LYPD1: variants seen among roughly 807,000 people sequenced by gnomAD.
The protein encoded by LYPD1 is ly6/PLAUR domain-containing protein 1.
Under a neutral mutation model 14.2 loss-of-function variants are expected in LYPD1, and 14 were observed. The observed-to-expected ratio is 0.99, with a 90% CI of 0.65 to 1.54. The LOEUF is 1.54. Ranked by LOEUF, LYPD1 falls within the 40% of genes most tolerant of loss-of-function variation. The pLI is 0.00. For synonymous variants in LYPD1, 85 were observed against 70.6 expected (o/e 1.20, Z -1.02); for missense variants, 165 against 175.7 (o/e 0.94, Z 0.34).
chr2:132,667,243 A>G (rs1311920514), intron 2 of LYPD1, among the ~76,000 whole-genome samples: 1 of 152,232 alleles, frequency 6.6e-6, no homozygotes, highest in East Asian at 1.9e-4. Context: ...GCTTCCCAGA[A>G]GAGTGATTTT....
chr2:132,663,560 G>A (rs1683090123), intron 2 of LYPD1, among the ~76,000 whole-genome samples: 1 of 152,242 alleles, frequency 6.6e-6, no homozygotes, highest in African/African-American at 2.4e-5. Context: ...ACAGGCATGA[G>A]CCGCCGTGCC....
At chr2:132,667,168 C>T (rs1190555852) in intron 2 of LYPD1, among the ~76,000 whole-genome samples, 2 of 152,140 alleles carry the variant, frequency 1.3e-5, no homozygotes, top group East Asian at 1.9e-4. Context: ...CCAAATCCCA[C>T]GTGCCAAAAT....
chr2:132,645,847 G>T lies in LYPD1; in HGVS notation c.*198C>A. On this transcript the variant is annotated 3_prime_UTR_variant, in exon 3 of 3. Coordinates refer to ENST00000397463, the MANE Select transcript of LYPD1 (RefSeq NM_144586.7). ...CACCTCCTTCCTTCAAGTACATACT[G>T]AAAATTCAGTCAGGCTGAATTTATT... The T allele has an allele frequency of 1.5e-6, 1 of 667,194 alleles. No individual in the cohort carries two copies. Among genetic ancestry groups the T allele is most frequent in the Non-Finnish European group, 2.5e-6 (1 of 405,000 alleles). The allele number at this position is 667,194 out of a possible 1,614,324, so 41.3% of individuals were successfully genotyped here.
At chr2:132,655,755 C>T (rs1032960238) in intron 2 of LYPD1, among the ~76,000 whole-genome samples, 2 of 151,986 alleles carry the variant, frequency 1.3e-5, no homozygotes, top group Admixed American at 1.3e-4. Flanking sequence ...ACCTCGTGAT[C>T]CGCCCACCTC....
At position 132,646,041 on chromosome 2, in the gene LYPD1, A is replaced by G; in HGVS notation, c.*4T>C. On this transcript the variant is annotated 3_prime_UTR_variant, in exon 3 of 3. Coordinates refer to ENST00000397463, the MANE Select transcript of LYPD1 (RefSeq NM_144586.7). Reference sequence around the variant, plus strand: ...TGCAGGAGGGGGTGGCATCTCCTTCAGCTTCAGCAGTGTGCCGAGAAGAGG... The same window carrying G: ...TGCAGGAGGGGGTGGCATCTCCTTCGGCTTCAGCAGTGTGCCGAGAAGAGG... 1 of 1,539,816 alleles carries G rather than the reference A, an allele frequency of 6.5e-7. No individual in the cohort carries two copies. The highest frequency in any genetic ancestry group is 1.3e-5 in the South Asian group (1 of 80,000).
intron 2 of LYPD1, among the ~76,000 whole-genome samples, chr2:132,667,795 A>T (rs376671147): frequency 2.0e-5 from 3 of 151,726 alleles, no homozygotes; most frequent in African/African-American, 7.3e-5. Flanking sequence ...ATCCCACAAG[A>T]CCTCCCCTTC....
chr2:132,660,847 G>A (rs577594934), intron 2 of LYPD1, among the ~76,000 whole-genome samples: 20 of 152,344 alleles, frequency 1.3e-4, no homozygotes, highest in African/African-American at 4.3e-4. Context: ...GGGGACAAAA[G>A]CTAGGCTTGT....
Position 132,645,196 on chromosome 2 carries a change from T to G in LYPD1, c.*849A>C. On this transcript the variant is annotated 3_prime_UTR_variant, in exon 3 of 3. Coordinates refer to ENST00000397463, the MANE Select transcript of LYPD1 (RefSeq NM_144586.7). The stretch of plus-strand genomic sequence containing the variant: ...ACCCAAGCACGACTGGACGAGGTCC[T>G]ACTTCCGGGCGTACATGATCCTCCT... 6.2e-7 allele frequency: 1 copy of G among 1,614,208 alleles called. No individual in the cohort carries two copies. Among genetic ancestry groups the G allele is most frequent in the Non-Finnish European group, 8.5e-7 (1 of 1,180,036 alleles).
Position 132,645,907 on chromosome 2 carries a change from C to A in LYPD1, c.*138G>T. 1.4e-6 allele frequency: 1 copy of A among 696,372 alleles called. No homozygotes were observed. The highest frequency in any genetic ancestry group is 4.1e-4 in the Middle Eastern group (1 of 2,426). 43.1% of individuals were successfully genotyped at this position (696,372 alleles called of 1,614,324 possible). On this transcript the variant is annotated 3_prime_UTR_variant, in exon 3 of 3. Transcript: ENST00000397463. ...TTACCGAGCTCTTTCATTATTTGCA[C>A]AGGAACAAAAGAGAACACGGACTCC...
At chr2:132,646,563 ACATTTT>A (rs1682096547) in intron 2 of LYPD1, 2 of 319,246 alleles carry the variant, frequency 6.3e-6, no homozygotes, top group Non-Finnish European at 1.1e-5. Flanking sequence ...AGACTTATTT[ACATTTT>A]AAGTCAGAGT....
intron 2 of LYPD1, among the ~76,000 whole-genome samples, chr2:132,655,516 T>TTTTTTTTTTTC (rs1682537176): frequency 7.7e-6 from 1 of 129,558 alleles, no homozygotes. Context: ...TGAGAAGCAT[T>TTTTTTTTTTTC]TTTTTTTTTT....
chr2:132,645,519 A>G lies in LYPD1; in HGVS notation c.*526T>C. ...CCGAGCCCCAGTCTAAGTCCCAGTC[A>G]TTGAGTCTCGAGTCACTAGAGCCCA... On this transcript the variant is annotated 3_prime_UTR_variant, in exon 3 of 3. Transcript: ENST00000397463. The G allele has an allele frequency of 6.2e-7, 1 of 1,614,158 alleles. No homozygotes were observed. The highest frequency in any genetic ancestry group is 8.5e-7 in the Non-Finnish European group (1 of 1,180,006).
At chr2:132,650,721 AAAAAAAC>A (rs1199517632) in intron 2 of LYPD1, among the ~76,000 whole-genome samples, 2 of 104,680 alleles carry the variant, frequency 1.9e-5, no homozygotes, top group South Asian at 3.3e-4. Context: ...CCTTTAAAAA[AAAAAAAC>A]AAAAAACAAA....
intron 2 of LYPD1, among the ~76,000 whole-genome samples, chr2:132,666,316 T>C (rs141059093): frequency 1.3e-5 from 2 of 152,324 alleles, no homozygotes; most frequent in East Asian, 3.9e-4. Context: ...TGGACATTGC[T>C]CTTTTGATGC....
intron 2 of LYPD1, among the ~76,000 whole-genome samples, chr2:132,654,000 A>AT (rs1203552758): frequency 9.8e-5 from 2 of 20,358 alleles, no homozygotes; most frequent in East Asian, 3.3e-3. Flanking sequence ...AATGAAATGC[A>AT]ACGTGGGATC....
chr2:132,670,398 C>CA (rs1464145414), upstream of LYPD1, among the ~76,000 whole-genome samples: 1 of 152,032 alleles, frequency 6.6e-6, no homozygotes, highest in Admixed American at 6.5e-5. This position sits in a 1 kb window ranked among gnomAD's most constrained non-coding sequence, Gnocchi z 4.5. Flanking sequence ...AAAGGGGCGC[C>CA]GGGGGGCGGG....
chr2:132,661,105 G>A (rs531853441), intron 2 of LYPD1, among the ~76,000 whole-genome samples: 1 of 152,156 alleles, frequency 6.6e-6, no homozygotes, highest in African/African-American at 2.4e-5. Context: ...AGCCTTAGAG[G>A]TGTGGGATTC....
chr2:132,669,801 G>T lies in LYPD1; in HGVS notation c.52+80C>A. 2 of 1,574,634 alleles carry T rather than the reference G, an allele frequency of 1.3e-6. No homozygotes were observed. Among genetic ancestry groups the T allele is most frequent in the Non-Finnish European group, 1.7e-6 (2 of 1,162,636 alleles). Reference sequence around the variant, plus strand: ...CAGCGCAGGGCTGGCCCCGAGGTGGGCGCCTTGGGGGCAAAAGGGCTGGCG... The same window carrying T: ...CAGCGCAGGGCTGGCCCCGAGGTGGTCGCCTTGGGGGCAAAAGGGCTGGCG... On this transcript the variant is annotated intron_variant, in intron 1 of 2. Transcript: ENST00000397463. This position sits in a 1 kb window ranked among gnomAD's most constrained non-coding sequence, Gnocchi z 4.3.
At chr2:132,660,087 G>A (rs1204533878) in intron 2 of LYPD1, among the ~76,000 whole-genome samples, 1 of 152,238 alleles carries the variant, frequency 6.6e-6, no homozygotes, top group Non-Finnish European at 1.5e-5. Context: ...CCCGCCTCTA[G>A]CACTGTCTCC....
Sources: gnomAD v4.1 joint callset for allele counts (sites outside exome capture counted in the v4.1 genomes callset) on GRCh38, gnomAD v4.1.1 for gene constraint, Gnocchi (gnomAD v3.1) non-coding constraint, MANE v1.5 for transcripts, NCBI Gene and HGNC (gene_info 2026-07-23, HGNC 2026-07-21) for gene names.